DSE: variants seen among roughly 807,000 people sequenced by gnomAD.
DSE encodes the protein dermatan-sulfate epimerase.
In DSE, 36 loss-of-function variants were observed where a neutral mutation model predicts 84.4. The ratio of observed to expected loss-of-function variants is 0.43; its 90% CI spans 0.33 to 0.56. The LOEUF (loss-of-function observed/expected upper bound fraction) is 0.56, where lower values mean the gene tolerates loss of function less well. DSE is among the 20% of genes least tolerant of loss of function. The pLI, the probability that DSE is intolerant of heterozygous loss-of-function variation, is 0.06. For missense variants in DSE, 862 were observed against 1,169.6 expected (o/e 0.74, Z 3.84); for synonymous variants, 410 against 430.1 (o/e 0.95, Z 0.58).
chr6:116,342,081 T>C (rs1331481348), intron 2 of DSE, among the ~76,000 whole-genome samples: 2 of 152,198 alleles, frequency 1.3e-5, no homozygotes. Flanking sequence ...CTTAATATTT[T>C]TTTGTCTACA....
At chr6:116,422,505 C>G (rs1783160059) in intron 2 of DSE, among the ~76,000 whole-genome samples, 1 of 152,224 alleles carries the variant, frequency 6.6e-6, no homozygotes, top group South Asian at 2.1e-4. Flanking sequence ...TAGCTCAGCT[C>G]TCAACTCAGT....
intron 2 of DSE, among the ~76,000 whole-genome samples, chr6:116,322,910 A>G (rs1454479815): frequency 6.6e-6 from 1 of 152,170 alleles, no homozygotes; most frequent in East Asian, 1.9e-4. Flanking sequence ...CATGTAGAGC[A>G]AGTTGGAGTG....
At position 116,382,071 on chromosome 6, in the gene DSE, GTC is replaced by G. The variant is rs1491031817; in HGVS notation, c.-54+10953_-54+10954del. Among the ~76,000 whole-genome samples the G allele has an allele frequency of 1.1e-3, 160 of 148,196 alleles. 1 individual carries two copies. The highest frequency in any genetic ancestry group is 1.9e-3 in the Admixed American group (28 of 14,744). ...TGTGTGTGTGTGTGTGTGTGTGTGT[GTC>G]TCCAAATTTCCACTCTTTATAAAGA... On this transcript the variant is annotated intron_variant, in intron 1 of 5. Transcript: ENST00000644252.
chr6:116,326,248 G>A (rs1197724084), intron 2 of DSE, among the ~76,000 whole-genome samples: 1 of 152,064 alleles, frequency 6.6e-6, no homozygotes, highest in Non-Finnish European at 1.5e-5. Flanking sequence ...CATCCTAGAG[G>A]AGCTCAGAGG....
intron 2 of DSE, among the ~76,000 whole-genome samples, chr6:116,359,417 TTAAGGA>T (rs1378107770): frequency 6.6e-6 from 1 of 152,166 alleles, no homozygotes; most frequent in Non-Finnish European, 1.5e-5. Flanking sequence ...ATCATAAGTC[TTAAGGA>T]TTTTAGTAAT....
At chr6:116,379,897 A>G (rs558209524) in intron 1 of DSE, among the ~76,000 whole-genome samples, 22 of 152,298 alleles carry the variant, frequency 1.4e-4, no homozygotes, top group Admixed American at 3.3e-4. Context: ...AAGGTTATGT[A>G]TGGCAGTATT....
At chr6:116,397,459 C>T (rs551115213) in intron 1 of DSE, among the ~76,000 whole-genome samples, 11 of 152,128 alleles carry the variant, frequency 7.2e-5, no homozygotes, top group South Asian at 4.1e-4. Context: ...CGCCCGCCTC[C>T]GCCTCCCAAA....
upstream of DSE, chr6:116,369,698 C>T (rs1010570750): frequency 9.8e-5 from 31 of 315,222 alleles, no homozygotes; most frequent in Non-Finnish European, 1.9e-4. Flanking sequence ...CCTGAGTGAA[C>T]ATTTAAAAAA....
At chr6:116,355,400 G>GTTTTTC (rs1778519897) in intron 2 of DSE, among the ~76,000 whole-genome samples, 2 of 152,100 alleles carry the variant, frequency 1.3e-5, no homozygotes, top group South Asian at 4.1e-4. Flanking sequence ...TTTACCAATT[G>GTTTTTC]TTTTTCAGCT....
At chr6:116,279,180 T>C (rs375448536) in intron 2 of DSE, 21 of 1,612,482 alleles carry the variant, frequency 1.3e-5, no homozygotes, top group Non-Finnish European at 1.7e-5. Context: ...AGGGCCCTTC[T>C]TCCTCCCTCG....
At chr6:116,287,879 G>A (rs1774023805) in intron 2 of DSE, among the ~76,000 whole-genome samples, 1 of 152,062 alleles carries the variant, frequency 6.6e-6, no homozygotes, top group South Asian at 2.1e-4. Context: ...GCTCACTAGA[G>A]GGAGCAACTG....
intron 2 of DSE, among the ~76,000 whole-genome samples, chr6:116,282,081 C>T (rs1202582457): frequency 6.6e-6 from 1 of 152,214 alleles, no homozygotes; most frequent in Non-Finnish European, 1.5e-5. Flanking sequence ...CTCGGACTAC[C>T]AGCACTGTAT....
intron 1 of DSE, among the ~76,000 whole-genome samples, chr6:116,398,006 G>T (rs1221492508): frequency 2.0e-5 from 3 of 152,144 alleles, no homozygotes; most frequent in African/African-American, 7.2e-5. Flanking sequence ...ATATGATGAG[G>T]CAGTTTTTCC....
intron 1 of DSE, among the ~76,000 whole-genome samples, chr6:116,390,404 T>C (rs996505761): frequency 1.3e-5 from 2 of 152,134 alleles, no homozygotes; most frequent in African/African-American, 4.8e-5. Context: ...CAATACATAG[T>C]AGAATTTATT....
rs568788474 is a variant in DSE at position 116,442,900 on chromosome 6, T to G, written c.*5555T>G. 1 of 148,556 alleles carries G rather than the reference T, an allele frequency of 6.7e-6. No individual in the cohort carries two copies. The highest frequency in any genetic ancestry group is 6.8e-5 in the Admixed American group (1 of 14,684). The allele number at this position is 148,556 out of a possible 1,614,324, so 9.2% of individuals were successfully genotyped here. On this transcript the variant is annotated 3_prime_UTR_variant, in exon 6 of 6. Coordinates refer to ENST00000644252, the MANE Select transcript of DSE (RefSeq NM_013352.4). Reference sequence around the variant, plus strand: ...CATATACCTGTGTGTATGTGAAACTTTGAAAAATCCCTGAGATGGCTCTGA... The same window carrying G: ...CATATACCTGTGTGTATGTGAAACTGTGAAAAATCCCTGAGATGGCTCTGA...
intron 2 of DSE, chr6:116,279,872 C>T (rs1485115581): frequency 6.2e-7 from 1 of 1,612,984 alleles, no homozygotes; most frequent in Admixed American, 1.7e-5. Context: ...CGCCCGTTTT[C>T]CTCAGAGGCC....
At chr6:116,329,464 A>C (rs528691137) in intron 2 of DSE, among the ~76,000 whole-genome samples, 1 of 152,334 alleles carries the variant, frequency 6.6e-6, no homozygotes, top group South Asian at 2.1e-4. Context: ...CAGCAGAAAT[A>C]TTTGAAAACT....
chr6:116,277,490 G>GT (rs1182794075), intron 2 of DSE: 1 of 152,346 alleles, frequency 6.6e-6, no homozygotes, highest in Non-Finnish European at 1.5e-5. Flanking sequence ...TATTCTAGGA[G>GT]TTGATAAAAG....
chr6:116,374,799 C>T (rs1310975646), intron 1 of DSE, among the ~76,000 whole-genome samples: 1 of 152,108 alleles, frequency 6.6e-6, no homozygotes, highest in Non-Finnish European at 1.5e-5. Flanking sequence ...AATCCATTAA[C>T]CTATTAATCC....
Sources: allele counts gnomAD v4.1 joint callset (sites outside exome capture counted in the v4.1 genomes callset), GRCh38; gene constraint gnomAD v4.1.1; transcripts MANE v1.5; gene names NCBI Gene and HGNC (gene_info 2026-07-23, HGNC 2026-07-21).